Variants in COL24A1 observed in about 807,000 individuals in gnomAD.
The protein encoded by COL24A1 is collagen alpha-1(XXIV) chain.
In COL24A1, 224 loss-of-function variants were observed where a neutral mutation model predicts 253.9. That is an observed-to-expected ratio of 0.88 (90% CI 0.79 to 0.99). The LOEUF (loss-of-function observed/expected upper bound fraction) is 0.99, where lower values mean the gene tolerates loss of function less well. COL24A1 is among the 50% of genes least tolerant of loss of function. The probability of loss-of-function intolerance (pLI) is 0.00; values close to 1 mark genes in which losing one functional copy is unlikely to be tolerated. For missense variants in COL24A1, 2,131 were observed against 2,068.5 expected, an observed-to-expected ratio of 1.03 and a Z score of -0.59; for synonymous variants, 685 against 673.7, an observed-to-expected ratio of 1.02 and a Z score of -0.26.
intron 53 of COL24A1, among the ~76,000 whole-genome samples, chr1:85,771,672 G>A (rs1330590443): frequency 6.6e-6 from 1 of 152,012 alleles, no homozygotes; most frequent in Admixed American, 6.6e-5. Flanking sequence ...TTGAGGAATC[G>A]CCACACTGTC....
chr1:86,013,765 G>A (rs1696753552), intron 19 of COL24A1, among the ~76,000 whole-genome samples: 2 of 152,190 alleles, frequency 1.3e-5, no homozygotes, highest in South Asian at 2.1e-4. Context: ...CAACCTGGGA[G>A]GCAGAGGTTG....
rs750456496 is a variant in COL24A1, at chr1:85,868,535, C to T, written c.3284G>A (p.Gly1095Asp). The change falls in exon 37 of 60, where the codon GGC becomes GAC. Residue 1095 changes from glycine to aspartate, a missense_variant. Gly to Asp is a moderately conservative substitution (Grantham distance 94, BLOSUM62 -1). Coordinates refer to ENST00000370571, the MANE Select transcript of COL24A1 (RefSeq NM_152890.7). The part of the protein sequence containing the change: ...PGIIGPLGRS[G>D]QTGLPGPEGI... ...AGTACTTACCGGAAGGCCTGTTTGG[C>T]CTGATCTACCCAAGGGTCCTATAAT... The T allele has an allele frequency of 3.7e-6, 6 of 1,613,654 alleles. No homozygotes were observed. The highest frequency in any genetic ancestry group is 5.1e-6 in the Non-Finnish European group (6 of 1,179,680).
chr1:86,092,380 A>T, intron 5 of COL24A1, 60 bp from the exon 6 acceptor site: 1 of 1,219,458 alleles, frequency 8.2e-7, no homozygotes, highest in East Asian at 2.3e-5. Flanking sequence ...TGTGTCATAT[A>T]TCTTCAGGTA....
chr1:85,958,225 C>T (rs1690668612), intron 24 of COL24A1, among the ~76,000 whole-genome samples: 1 of 152,182 alleles, frequency 6.6e-6, no homozygotes, highest in South Asian at 2.1e-4. Flanking sequence ...TGTTATATTG[C>T]ATATTCCAGG....
At chr1:86,074,323 A>G (rs182132152) in intron 7 of COL24A1, among the ~76,000 whole-genome samples, 11 of 152,298 alleles carry the variant, frequency 7.2e-5, no homozygotes, top group Admixed American at 7.2e-4. Flanking sequence ...GTCTCTGGTA[A>G]AACAGACTAA....
At chr1:85,946,636 CT>C (rs1339959695) in intron 24 of COL24A1, among the ~76,000 whole-genome samples, 1 of 152,182 alleles carries the variant, frequency 6.6e-6, no homozygotes. Context: ...TTTTCTACCC[CT>C]GACAATAAAC....
chr1:85,865,510 T>C (rs984903966), intron 37 of COL24A1, among the ~76,000 whole-genome samples: 5 of 152,170 alleles, frequency 3.3e-5, no homozygotes, highest in African/African-American at 9.7e-5. Context: ...AAATCTGTGT[T>C]TATCATTTTT....
At chr1:85,971,951 T>C (rs999176705) in intron 20 of COL24A1, among the ~76,000 whole-genome samples, 1 of 152,118 alleles carries the variant, frequency 6.6e-6, no homozygotes, top group African/African-American at 2.4e-5. Context: ...TGAATAGAAA[T>C]TTCAATACTA....
chr1:85,986,857 C>A (rs1271671676), intron 20 of COL24A1, among the ~76,000 whole-genome samples: 1 of 151,874 alleles, frequency 6.6e-6, no homozygotes, highest in African/African-American at 2.4e-5. Context: ...ATTCTCCCAA[C>A]TTCAGGCTAT....
chr1:86,045,143 C>A (rs1222391787), intron 12 of COL24A1, among the ~76,000 whole-genome samples: 1 of 152,106 alleles, frequency 6.6e-6, no homozygotes, highest in Non-Finnish European at 1.5e-5. Flanking sequence ...GCACCCACCA[C>A]CACAGCCAGC....
In COL24A1 at chr1:85,874,702, C is replaced by T; in HGVS notation, c.3085G>A (p.Gly1029Arg). The T allele has an allele frequency of 9.3e-6, 15 of 1,612,238 alleles. No homozygotes were observed. The highest frequency in any genetic ancestry group is 1.3e-5 in the Non-Finnish European group (15 of 1,179,892). Residue 1029 changes from glycine (G) to arginine (R), a missense_variant and splice_region_variant, in exon 35 of 60, where the codon GGA becomes AGA. Transcript: ENST00000370571. ...SGLQGEPGAK[G>R]DVGTAGSVGG... ...ACACTGCCAGCAGTTCCAACATCTC[C>T]CTGAAGAAACAAAGGGAAAGATTAA...
At chr1:85,997,200 T>C (rs1466085006) in intron 19 of COL24A1, among the ~76,000 whole-genome samples, 1 of 151,276 alleles carries the variant, frequency 6.6e-6, no homozygotes, top group African/African-American at 2.4e-5. Flanking sequence ...GTACTTTCCT[T>C]TGGAGAAAGG....
Position 86,033,887 on chromosome 1 carries a change from C to T in COL24A1, c.1987G>A (p.Gly663Ser). 6.3e-7 allele frequency: 1 copy of T among 1,599,346 alleles called. No homozygotes were observed. Among genetic ancestry groups the T allele is most frequent in the South Asian group, 1.1e-5 (1 of 87,770 alleles). ...PGDFGDRGPA[G>S]LDGSPGLVGG... ...GTACTCACAGGACTGCCATCAAGACCAGCAGGGCCTCTGTCTCCAAAGTCA... is the reference window on the plus strand; with the variant it reads ...GTACTCACAGGACTGCCATCAAGACTAGCAGGGCCTCTGTCTCCAAAGTCA... The change falls in exon 13 of 60, where the codon GGT becomes AGT. Residue 663 changes from glycine to serine, a missense_variant. Coordinates refer to ENST00000370571, the MANE Select transcript of COL24A1 (RefSeq NM_152890.7).
intron 46 of COL24A1, among the ~76,000 whole-genome samples, chr1:85,817,577 G>T (rs760412398): frequency 6.6e-6 from 1 of 152,072 alleles, no homozygotes; most frequent in Non-Finnish European, 1.5e-5. Context: ...AACTGATGGT[G>T]AGGTAAAAGT....
intron 2 of COL24A1, among the ~76,000 whole-genome samples, chr1:86,129,668 A>G (rs2102297052): frequency 6.6e-6 from 1 of 151,900 alleles, no homozygotes; most frequent in South Asian, 2.1e-4. Context: ...GGTTTAAGAA[A>G]AAAGTTTTAA....
chr1:85,938,946 T>A (rs139881456), intron 24 of COL24A1, among the ~76,000 whole-genome samples: 14 of 152,316 alleles, frequency 9.2e-5, no homozygotes, highest in Non-Finnish European at 1.3e-4. Flanking sequence ...GACTTCTTCC[T>A]CTACCCAATC....
chr1:85,856,385 T>C (rs190811756), intron 37 of COL24A1, among the ~76,000 whole-genome samples: 1 of 152,226 alleles, frequency 6.6e-6, no homozygotes. Flanking sequence ...GATTCTTGTA[T>C]GTTGTATCAC....
At position 85,965,077 on chromosome 1, in the gene COL24A1, C is replaced by A. The variant is rs760255450; in HGVS notation, c.2464-15G>T. 105 of 1,597,022 alleles carry A rather than the reference C, an allele frequency of 6.6e-5. No homozygotes were observed. The highest frequency in any genetic ancestry group is 8.5e-5 in the Non-Finnish European group (100 of 1,171,188). ...CCTGGTTTTCCCTAGAAGAGAACAG[C>A]ATAAAAGAAGAAAGTATATATGTTT... is the stretch of plus-strand genomic sequence containing the variant. On this transcript the variant is annotated splice_polypyrimidine_tract_variant and intron_variant, in intron 22 of 59. Transcript: ENST00000370571.
At chr1:85,993,009 T>A (rs1168496057) in intron 19 of COL24A1, among the ~76,000 whole-genome samples, 1 of 152,100 alleles carries the variant, frequency 6.6e-6, no homozygotes, top group East Asian at 1.9e-4. Flanking sequence ...GACTCAGCAT[T>A]CTCTCCAGTA....
Sources: gnomAD v4.1 joint callset for allele counts (sites outside exome capture counted in the v4.1 genomes callset) on GRCh38, gnomAD v4.1.1 for gene constraint, MANE v1.5 for transcripts, NCBI Gene and HGNC (gene_info 2026-07-23, HGNC 2026-07-21) for gene names.